AFTPH: variants seen among roughly 807,000 people sequenced by gnomAD.
AFTPH encodes the protein aftiphilin.
AFTPH carries 7 observed loss-of-function variants against 72.5 expected under a neutral mutation model. The observed-to-expected ratio is 0.10, with a 90% confidence interval of 0.05 to 0.18. AFTPH has a LOEUF of 0.18. Among genes scored for constraint, AFTPH ranks in the 10% least tolerant of loss-of-function variants. The probability of loss-of-function intolerance (pLI) is 1.00; values close to 1 mark genes in which losing one functional copy is unlikely to be tolerated. For missense variants in AFTPH, 979 were observed against 1,060.5 expected (o/e 0.92, Z 1.07); for synonymous variants, 337 against 370.1 (o/e 0.91, Z 1.03).
chr2:64,585,679 A>C, intron 8 of AFTPH, 134 bp downstream of exon 9: 1 of 920,204 alleles, frequency 1.1e-6, no homozygotes, highest in Non-Finnish European at 1.6e-6. Context: ...TCGATGCCCA[A>C]GTCCAGAAAA....
chr2:64,551,424 CTTTT>C lies in AFTPH; in HGVS notation c.-32-15_-32-12del, dbSNP rs771522748. 3 of 1,545,744 alleles carry C rather than the reference CTTTT, an allele frequency of 1.9e-6. No individual in the cohort carries two copies. The highest frequency in any genetic ancestry group is 2.6e-6 in the Non-Finnish European group (3 of 1,149,822). On this transcript the variant is annotated splice_polypyrimidine_tract_variant and intron_variant, in intron 1 of 8. Coordinates refer to ENST00000238856, the Ensembl canonical transcript of AFTPH. The stretch of plus-strand genomic sequence containing the variant: ...ATGTAATCTGTCCCCTCCAAAAATT[CTTTT>C]TTTCTTTTTTACAGGTGTAAATTAA...
intron 1 of AFTPH, among the ~76,000 whole-genome samples, chr2:64,527,294 T>C (rs1225412582): frequency 6.6e-6 from 1 of 152,120 alleles, no homozygotes; most frequent in African/African-American, 2.4e-5. Context: ...AATTAAAAGT[T>C]TAAAGGCCGG....
At chr2:64,551,945 T>G in exon 2 of AFTPH, 1 of 1,613,592 alleles carries the variant, frequency 6.2e-7, no homozygotes, top group Non-Finnish European at 8.5e-7. Context: ...ATTTTAGAAC[T>G]AATATGAATG....
At chr2:64,549,029 A>T (rs1242579698) in intron 1 of AFTPH, among the ~76,000 whole-genome samples, 1 of 152,170 alleles carries the variant, frequency 6.6e-6, no homozygotes, top group Non-Finnish European at 1.5e-5. Flanking sequence ...ATTCTCCACT[A>T]AGCAGCTGTC....
chr2:64,584,438 C>T (rs2160946), intron 7 of AFTPH, among the ~76,000 whole-genome samples: 16,299 of 151,984 alleles, frequency 0.11, 2,427 homozygotes, highest in African/African-American at 0.33. Flanking sequence ...CAGATTCAGA[C>T]ATGAGACTAC....
At chr2:64,582,642 C>T (rs1342969906) in intron 7 of AFTPH, among the ~76,000 whole-genome samples, 2 of 152,064 alleles carry the variant, frequency 1.3e-5, no homozygotes, top group Non-Finnish European at 2.9e-5. Context: ...GAGGGACAAC[C>T]AAAAACATGT....
exon 2 of AFTPH, chr2:64,551,570 T>C: frequency 6.2e-7 from 1 of 1,614,180 alleles, no homozygotes; most frequent in Non-Finnish European, 8.5e-7. Context: ...GGGAATTTGG[T>C]GGGTTTTCAG....
chr2:64,574,383 T>G (rs1672642543), intron 6 of AFTPH, among the ~76,000 whole-genome samples: 1 of 151,822 alleles, frequency 6.6e-6, no homozygotes, highest in Non-Finnish European at 1.5e-5. Flanking sequence ...ATAACCACCC[T>G]TAGAGATCAC....
chr2:64,587,092 A>C (rs1447378093), intron 8 of AFTPH, among the ~76,000 whole-genome samples: 1 of 152,168 alleles, frequency 6.6e-6, no homozygotes, highest in African/African-American at 2.4e-5. Flanking sequence ...AAACCACCTT[A>C]ACTTGTTCTC....
At chr2:64,528,649 G>C (rs1319859025) in intron 1 of AFTPH, among the ~76,000 whole-genome samples, 1 of 152,034 alleles carries the variant, frequency 6.6e-6, no homozygotes, top group Non-Finnish European at 1.5e-5. Flanking sequence ...AGAAGGGGAA[G>C]CAAATAAGAA....
chr2:64,566,143 A>C lies in AFTPH; in HGVS notation c.1936-1419A>C, dbSNP rs62139388. The stretch of plus-strand genomic sequence containing the variant: ...GTGGTTATCTGATCCCTTTGAAAAT[A>C]ATGTCTGTCCGTTCTCTCTGTTGAG... On this transcript the variant is annotated intron_variant, in intron 2 of 8. Transcript: ENST00000238856. Among the ~76,000 whole-genome samples, 790 of 152,298 alleles carry C rather than the reference A, an allele frequency of 5.2e-3. 4 individuals are homozygous for C. Among genetic ancestry groups the C allele is most frequent in the Non-Finnish European group, 8.4e-3 (572 of 68,012 alleles).
chr2:64,556,208 G>A (rs546717703), intron 2 of AFTPH, among the ~76,000 whole-genome samples: 12 of 152,184 alleles, frequency 7.9e-5, no homozygotes, highest in Non-Finnish European at 7.4e-5. Context: ...GGCTGGTCTC[G>A]AACTCCTGAC....
At chr2:64,526,563 C>G (rs969358152) in intron 1 of AFTPH, among the ~76,000 whole-genome samples, 3 of 152,196 alleles carry the variant, frequency 2.0e-5, no homozygotes, top group African/African-American at 7.2e-5. Flanking sequence ...TTAGCACTTT[C>G]AATTCCTTTT....
intron 1 of AFTPH, among the ~76,000 whole-genome samples, chr2:64,545,338 A>G (rs1315615186): frequency 6.6e-6 from 1 of 151,778 alleles, no homozygotes; most frequent in Admixed American, 6.6e-5. Context: ...ATGAAAACTT[A>G]CATGCCCACA....
chr2:64,528,500 A>C (rs1390847457), intron 1 of AFTPH, among the ~76,000 whole-genome samples: 3 of 152,240 alleles, frequency 2.0e-5, no homozygotes, highest in Non-Finnish European at 4.4e-5. Flanking sequence ...ATGGCAGATG[A>C]TGTTAAGTAT....
At chr2:64,552,476 T>G (rs1156746907) in exon 2 of AFTPH, 2 of 1,614,068 alleles carry the variant, frequency 1.2e-6, no homozygotes, top group African/African-American at 2.7e-5. Flanking sequence ...AGTCAAAGGC[T>G]TGGAGTTTGG....
At chr2:64,545,686 C>T (rs2103890504) in intron 1 of AFTPH, among the ~76,000 whole-genome samples, 1 of 131,860 alleles carries the variant, frequency 7.6e-6, no homozygotes, top group Non-Finnish European at 1.5e-5. Flanking sequence ...AAAATTCAGC[C>T]TCAAAGGGTT....
intron 2 of AFTPH, among the ~76,000 whole-genome samples, chr2:64,564,953 C>T (rs1423039360): frequency 6.6e-6 from 1 of 151,806 alleles, no homozygotes; most frequent in Non-Finnish European, 1.5e-5. Context: ...ATTCTCATGC[C>T]TCAACCTCCT....
At chr2:64,571,444 G>A (rs993547138) in intron 5 of AFTPH, among the ~76,000 whole-genome samples, 6 of 152,140 alleles carry the variant, frequency 3.9e-5, no homozygotes, top group East Asian at 1.9e-4. Context: ...CAAATGTATC[G>A]TCTCTGCATA....
Sources: gnomAD v4.1 joint callset for allele counts (sites outside exome capture counted in the v4.1 genomes callset) on GRCh38, gnomAD v4.1.1 for gene constraint, MANE v1.5 for transcripts, NCBI Gene and HGNC (gene_info 2026-07-23, HGNC 2026-07-21) for gene names.